Variants in ADAM23 observed in about 807,000 individuals in gnomAD.
ADAM23 encodes disintegrin and metalloproteinase domain-containing protein 23.
A neutral mutation model predicts 120.1 loss-of-function variants in ADAM23; 33 were observed. The ratio of observed to expected loss-of-function variants is 0.27; its 90% confidence interval spans 0.21 to 0.37. The LOEUF is 0.37. Ranked by LOEUF, ADAM23 falls within the 10% of genes least tolerant of loss-of-function variation. ADAM23 has a pLI of 1.00. For synonymous variants in ADAM23, 367 were observed against 375.2 expected (o/e 0.98, Z 0.25); for missense variants, 862 against 1,058.2 (o/e 0.81, Z 2.57).
intron 4 of ADAM23, among the ~76,000 whole-genome samples, chr2:206,535,763 A>G (rs1364649050): frequency 2.0e-5 from 3 of 152,206 alleles, no homozygotes; most frequent in African/African-American, 7.2e-5. Flanking sequence ...AGGCAAATTC[A>G]TAGGAACTGA....
chr2:206,490,487 C>T lies in ADAM23; in HGVS notation c.509+9179C>T, dbSNP rs528264174. 1.9e-4 allele frequency among the ~76,000 whole-genome samples: 29 copies of T among 152,156 alleles called. No individual in the cohort carries two copies. In the East Asian group the frequency reaches 5.4e-3, roughly 28 times the overall value. ...TTGTGGTTTCTTTTGCATTTAGGTA[C>T]TTTAGGATGATTGGAACTGTTTTGG... On this transcript the variant is annotated intron_variant, in intron 3 of 25. Transcript: ENST00000264377.
In ADAM23 at chr2:206,594,809, T is replaced by C; in HGVS notation, c.2151T>C (p.Ser717=). ...AAGATGGAACGCCATGTGGCCCGTC[T>C]ATGATGTGTTTAGATCGGAAGTGCC... ...YVEDGTPCGP[S]MMCLDRKCLQ... Residue 717 remains serine (S), a synonymous_variant, in exon 23 of 26, where the codon TCT becomes TCC. Transcript: ENST00000264377. 6.2e-7 allele frequency: 1 copy of C among 1,614,234 alleles called. No homozygotes were observed. The highest frequency in any genetic ancestry group is 2.2e-5 in the East Asian group (1 of 44,882).
intron 18 of ADAM23, among the ~76,000 whole-genome samples, chr2:206,582,075 A>G (rs1310775704): frequency 1.3e-5 from 2 of 152,144 alleles, no homozygotes; most frequent in African/African-American, 4.8e-5. Flanking sequence ...ACAGAGTTTC[A>G]CTATGTTGGT....
intron 3 of ADAM23, among the ~76,000 whole-genome samples, chr2:206,521,718 G>A (rs1329040115): frequency 6.6e-6 from 1 of 152,126 alleles, no homozygotes; most frequent in African/African-American, 2.4e-5. Context: ...CTTTCTAAGT[G>A]TGAAAGCCTT....
At chr2:206,470,529 A>G (rs1223395306) in intron 2 of ADAM23, among the ~76,000 whole-genome samples, 2 of 152,186 alleles carry the variant, frequency 1.3e-5, no homozygotes, top group African/African-American at 2.4e-5. Flanking sequence ...TAGCTTTTCT[A>G]CATCTAGCTT....
chr2:206,542,222 C>A (rs1037236606), intron 5 of ADAM23, 88 bp downstream of exon 5: 2 of 1,323,014 alleles, frequency 1.5e-6, no homozygotes, highest in African/African-American at 1.5e-5. Context: ...CTCTTCCGTG[C>A]CAGTGCTGTG....
chr2:206,540,770 C>T (rs1040589842), intron 4 of ADAM23, among the ~76,000 whole-genome samples: 4 of 151,838 alleles, frequency 2.6e-5, no homozygotes, highest in African/African-American at 7.3e-5. Flanking sequence ...AGATGTAGAG[C>T]GGTTAAGTCC....
At chr2:206,554,814 T>C (rs1315421441) in intron 9 of ADAM23, among the ~76,000 whole-genome samples, 1 of 152,156 alleles carries the variant, frequency 6.6e-6, no homozygotes. Context: ...AAACCCTAGG[T>C]GTCCAATTAA....
At chr2:206,529,819 A>AT (rs57883962) in intron 3 of ADAM23, among the ~76,000 whole-genome samples, 41,358 of 149,034 alleles carry the variant, frequency 0.28, 5,799 homozygotes, top group South Asian at 0.32. Context: ...GTATATATAC[A>AT]TTTTTTTTTT....
At position 206,443,974 on chromosome 2, in the gene ADAM23, C is replaced by T. The variant is rs1489165456; in HGVS notation, c.108C>T (p.Ser36=). 2 of 1,349,982 alleles carry T rather than the reference C, an allele frequency of 1.5e-6. No individual in the cohort carries two copies. The highest frequency in any genetic ancestry group is 1.5e-5 in the African/African-American group (1 of 66,266). The allele number at this position is 1,349,982 out of a possible 1,614,324, so 83.6% of individuals were successfully genotyped here. A position where few individuals can be genotyped will look rare whatever the true frequency, so the allele number is the denominator to read the frequency against. Residue 36 remains serine (S), a synonymous_variant, in exon 1 of 26, where the codon AGC becomes AGT. Coordinates refer to ENST00000264377, the MANE Select transcript of ADAM23 (RefSeq NM_003812.4). ...GCCCCGCCGGCTCGGTGCCTGCCAG[C>T]GCCCCGGCCCGCACGCCGCCCTGCC... ...QRGPAGSVPA[S]APARTPPCRL... is the part of the protein sequence containing the mutation.
Position 206,481,289 on chromosome 2 carries a change from C to A in ADAM23, c.490C>A (p.Leu164Ile). The A allele has an allele frequency of 1.2e-6, 2 of 1,610,682 alleles. No homozygotes were observed. Among genetic ancestry groups the A allele is most frequent in the Non-Finnish European group, 1.7e-6 (2 of 1,178,574 alleles). Reference sequence around the variant, plus strand: ...TGAAGCCTTCGGCTCCAAATTCATTCTTGACCTCATACTGAACAAGTGAGT... The same window carrying A: ...TGAAGCCTTCGGCTCCAAATTCATTATTGACCTCATACTGAACAAGTGAGT... Reference protein sequence around the residue: ...QIEAFGSKFILDLILNNGLLS... With the variant: ...QIEAFGSKFIIDLILNNGLLS... The change falls in exon 3 of 26, where the codon CTT becomes ATT. Residue 164 changes from leucine (L) to isoleucine (I), a missense_variant. By Grantham distance (5) the Leu-to-Ile change is conservative. This residue lies in a region of ADAM23 where 617 missense variants were observed against 813.5 expected (regional missense o/e 0.76). Coordinates refer to ENST00000264377, the MANE Select transcript of ADAM23 (RefSeq NM_003812.4).
intron 3 of ADAM23, among the ~76,000 whole-genome samples, chr2:206,500,509 A>T (rs912921863): frequency 6.6e-6 from 1 of 152,182 alleles, no homozygotes; most frequent in African/African-American, 2.4e-5. Context: ...GCGGTGAATG[A>T]TACAGGGTCT....
chr2:206,548,678 C>T (rs13023604), intron 8 of ADAM23, among the ~76,000 whole-genome samples: 2,709 of 152,140 alleles, frequency 0.018, 30 homozygotes, highest in Middle Eastern at 0.051. Context: ...GTACAGCAGA[C>T]TTTTCTTTCT....
chr2:206,562,000 G>A (rs1410254107), intron 12 of ADAM23, among the ~76,000 whole-genome samples: 1 of 152,176 alleles, frequency 6.6e-6, no homozygotes, highest in Admixed American at 6.5e-5. Context: ...TTCAAATTCT[G>A]AGAGATATCA....
intron 3 of ADAM23, among the ~76,000 whole-genome samples, chr2:206,526,555 G>A (rs1696952250): frequency 6.6e-6 from 1 of 152,146 alleles, no homozygotes. Context: ...TTCCAGGGTT[G>A]CCATGGAAGA....
chr2:206,588,164 A>C lies in ADAM23; in HGVS notation c.1852+10A>C. 3.1e-6 allele frequency: 5 copies of C among 1,613,720 alleles called. No individual in the cohort carries two copies. The highest frequency in any genetic ancestry group is 4.2e-6 in the Non-Finnish European group (5 of 1,179,832). Reference sequence around the variant, plus strand: ...TACATCTGGGGAACAAGTAGGTCGCACCTCCTTGCTTGGCGGTTACACATA... The same window carrying C: ...TACATCTGGGGAACAAGTAGGTCGCCCCTCCTTGCTTGGCGGTTACACATA... On this transcript the variant is annotated intron_variant, in intron 20 of 25. Transcript: ENST00000264377.
intron 18 of ADAM23, among the ~76,000 whole-genome samples, chr2:206,574,014 C>CT (rs1435840355): frequency 6.6e-6 from 1 of 151,944 alleles, no homozygotes. Flanking sequence ...TTTGCCATTG[C>CT]TTTTGATGGC....
intron 20 of ADAM23, among the ~76,000 whole-genome samples, chr2:206,588,878 C>T (rs1468461760): frequency 4.6e-5 from 7 of 152,308 alleles, no homozygotes; most frequent in Admixed American, 1.3e-4. Flanking sequence ...GACTGATTTA[C>T]ATTCAGTGCT....
intron 10 of ADAM23, among the ~76,000 whole-genome samples, chr2:206,558,183 T>C (rs539500446): frequency 9.8e-5 from 15 of 152,324 alleles, no homozygotes; most frequent in Admixed American, 3.3e-4. Context: ...TCTATAGATA[T>C]GAACATTATA....
Sources: gnomAD v4.1 joint callset for allele counts (sites outside exome capture counted in the v4.1 genomes callset) on GRCh38, gnomAD v4.1.1 for gene constraint, gnomAD v4.1.1 regional missense constraint, MANE v1.5 for transcripts, NCBI Gene and HGNC (gene_info 2026-07-23, HGNC 2026-07-21) for gene names.